KNL1: variants seen among roughly 807,000 people sequenced by gnomAD.
KNL1 encodes the protein kinetochore scaffold 1.
In KNL1, 66 loss-of-function variants were observed where a neutral mutation model predicts 201.3. The observed-to-expected ratio is 0.33, with a 90% CI of 0.27 to 0.40. The LOEUF (loss-of-function observed/expected upper bound fraction) is 0.40, where lower values mean the gene tolerates loss of function less well. Ranked by LOEUF, KNL1 falls within the 10% of genes least tolerant of loss-of-function variation. The probability of loss-of-function intolerance (pLI) is 1.00; values close to 1 mark genes in which losing one functional copy is unlikely to be tolerated. For synonymous variants in KNL1, 895 were observed against 899.2 expected, an observed-to-expected ratio of 1.00 and a Z score of 0.08; for missense variants, 2,815 against 2,690.5, an observed-to-expected ratio of 1.05 and a Z score of -1.02.
At chr15:40,646,914 G>A in intron 16 of KNL1, 73 bp from the exon 17 acceptor site, 3 of 552,414 alleles carry the variant, frequency 5.4e-6, no homozygotes, top group East Asian at 4.0e-5. Context: ...GAGCGATTAT[G>A]TGAGCAGTTT....
At chr15:40,634,394 C>T (rs980695417) in intron 13 of KNL1, among the ~76,000 whole-genome samples, 3 of 152,230 alleles carry the variant, frequency 2.0e-5, no homozygotes, top group Non-Finnish European at 2.9e-5. Flanking sequence ...CATGAGCCAC[C>T]ACGCCTGGTG....
chr15:40,624,706 C>T lies in KNL1; in HGVS notation c.4442C>T (p.Ser1481Phe). The T allele has an allele frequency of 1.2e-6, 2 of 1,613,008 alleles. No homozygotes were observed. Among genetic ancestry groups the T allele is most frequent in the South Asian group, 1.1e-5 (1 of 90,996 alleles). Residue 1481 changes from serine to phenylalanine, a missense_variant, in exon 10 of 26, where the codon TCC becomes TTC. Physicochemically the swap from Ser to Phe is radical, Grantham distance 155. Coordinates refer to ENST00000399668, the MANE Select transcript of KNL1 (RefSeq NM_144508.5). ...GNKSLNIIEN[S>F]SAPICENKPK... ...AAGAGTTTAAATATTATAGAAAATTCCTCTGCACCCATATGTGAAAACAAG... is the reference window on the plus strand; with the variant it reads ...AAGAGTTTAAATATTATAGAAAATTTCTCTGCACCCATATGTGAAAACAAG...
rs758847824 is a variant in KNL1, at chr15:40,624,256, A to T, written c.3992A>T (p.Asn1331Ile). 1.2e-6 allele frequency: 2 copies of T among 1,614,052 alleles called. No individual in the cohort carries two copies. Among genetic ancestry groups the T allele is most frequent in the African/African-American group, 2.7e-5 (2 of 75,060 alleles). The change falls in exon 10 of 26, where the codon AAT becomes ATT. Residue 1331 changes from asparagine to isoleucine, a missense_variant. By Grantham distance (149) the Asn-to-Ile change is moderately radical (BLOSUM62 -3). Around this residue, in one of 3 missense-constraint regions of KNL1, gnomAD observed 2,464 missense variants for 2,291.7 expected, o/e 1.08. Coordinates refer to ENST00000399668, the MANE Select transcript of KNL1 (RefSeq NM_144508.5). ...LLCDKDEEKA[N>I]YCPVQNDLAY... ...TGTGATAAAGATGAGGAAAAAGCCA[A>T]TTATTGCCCAGTGCAAAATGATCTT...
chr15:40,661,948 G>A, intron 25 of KNL1, 126 bp from the exon 26 acceptor site: 1 of 549,506 alleles, frequency 1.8e-6, no homozygotes. Context: ...GGCTGAGGCA[G>A]GAGAATGGCA....
At chr15:40,638,833 C>T (rs1187321319) in intron 13 of KNL1, among the ~76,000 whole-genome samples, 38 of 138,598 alleles carry the variant, frequency 2.7e-4, no homozygotes, top group Middle Eastern at 4.9e-3. Context: ...TTTTTTGAGA[C>T]GCAGTTTCGC....
rs1427098022 is a variant in KNL1, at chr15:40,663,009, G to A, written c.*821G>A. 1 of 180,014 alleles carries A rather than the reference G, an allele frequency of 5.6e-6. No individual in the cohort carries two copies. Among genetic ancestry groups the A allele is most frequent in the Non-Finnish European group, 1.2e-5 (1 of 84,240 alleles). The allele number at this position is 180,014 out of a possible 1,614,324, so 11.2% of individuals were successfully genotyped here. A position where few individuals can be genotyped will look rare whatever the true frequency, so the allele number is the denominator to read the frequency against. On this transcript the variant is annotated 3_prime_UTR_variant, in exon 26 of 26. Coordinates refer to ENST00000399668, the MANE Select transcript of KNL1 (RefSeq NM_144508.5). ...ATAGCACTCAGCTATTGAAATGGTT[G>A]CCATCTTTTTTTGAAGGCCTTGCTT... is the stretch of plus-strand genomic sequence containing the variant.
rs1270786030 is a variant in KNL1 at position 40,651,526 on chromosome 15, A to G, written c.6268A>G (p.Met2090Val). 5.0e-6 allele frequency: 8 copies of G among 1,610,036 alleles called. No homozygotes were observed. Among genetic ancestry groups the G allele is most frequent in the African/African-American group, 2.7e-5 (2 of 74,808 alleles). Reference protein sequence around the residue: ...KEQTLAQIDFMQKQRNRTEEL... With the variant: ...KEQTLAQIDFVQKQRNRTEEL... ...GCAGACCCTTGCTCAAATAGACTTT[A>G]TGCAAAAACAAAGAAATAGAACTGA... Residue 2090 changes from methionine to valine, a missense_variant, in exon 20 of 26, where the codon ATG (methionine) becomes GTG (valine). Transcript: ENST00000399668.
At chr15:40,658,037 G>T (rs190352767) in intron 24 of KNL1, among the ~76,000 whole-genome samples, 312 of 152,180 alleles carry the variant, frequency 2.1e-3, no homozygotes, top group Non-Finnish European at 3.6e-3. Flanking sequence ...GGAGGCCGAG[G>T]TGGGCGAATC....
Position 40,662,179 on chromosome 15 carries a change from C to T in KNL1, c.6942C>T (p.Phe2314=), listed in dbSNP as rs757021457. The change falls in exon 26 of 26, where the codon TTC becomes TTT. Residue 2314 remains phenylalanine, a synonymous_variant. Coordinates refer to ENST00000399668, the MANE Select transcript of KNL1 (RefSeq NM_144508.5). ...AAGATCTGTTTCAGGACTGCCATTT[C>T]TACCACTAGACCCTTGGACCACCAT... The part of the protein sequence containing the change: ...IYQDLFQDCH[F]YH 1 of 1,577,356 alleles carries T rather than the reference C, an allele frequency of 6.3e-7. No homozygotes were observed. The highest frequency in any genetic ancestry group is 1.7e-5 in the Admixed American group (1 of 59,914).
Position 40,623,533 on chromosome 15 carries a change from A to G in KNL1, c.3269A>G (p.Gln1090Arg). 4 of 1,613,666 alleles carry G rather than the reference A, an allele frequency of 2.5e-6. No individual in the cohort carries two copies. Among genetic ancestry groups the G allele is most frequent in the South Asian group, 2.2e-5 (2 of 91,082 alleles). The change falls in exon 10 of 26, where the codon CAG (glutamine) becomes CGG (arginine). Residue 1090 changes from glutamine (Q) to arginine (R), a missense_variant. Physicochemically the swap from Gln to Arg is conservative, Grantham distance 43. Coordinates refer to ENST00000399668, the MANE Select transcript of KNL1 (RefSeq NM_144508.5). The part of the protein sequence containing the change: ...ENHKNDMDIT[Q>R]SCMVEIDNES... Reference sequence around the variant, plus strand: ...CATAAAAATGATATGGATATTACCCAGAGTTGTATGGTGGAAATAGATAAC... The same window carrying G: ...CATAAAAATGATATGGATATTACCCGGAGTTGTATGGTGGAAATAGATAAC...
chr15:40,619,364 A>G (rs1892442946), intron 9 of KNL1, among the ~76,000 whole-genome samples: 1 of 150,758 alleles, frequency 6.6e-6, no homozygotes, highest in African/African-American at 2.4e-5. Flanking sequence ...TAATATATAT[A>G]TATATATATA....
Position 40,622,087 on chromosome 15 carries a change from C to T in KNL1, c.1823C>T (p.Ser608Phe). The change falls in exon 10 of 26, where the codon TCT becomes TTT. Residue 608 changes from serine to phenylalanine, a missense_variant. Ser to Phe is a radical substitution (Grantham distance 155, BLOSUM62 -2). Transcript: ENST00000399668. ...GAATCTCACTCTCAGAGCAAAAGCT[C>T]TTCAGATGAATGTGAAGAAATTACC... ...TSESHSQSKS[S>F]SDECEEITKS... 1 of 1,614,068 alleles carries T rather than the reference C, an allele frequency of 6.2e-7. No homozygotes were observed. The highest frequency in any genetic ancestry group is 8.5e-7 in the Non-Finnish European group (1 of 1,179,966).
At chr15:40,611,916 A>G (rs1363407449) in intron 7 of KNL1, among the ~76,000 whole-genome samples, 4 of 152,208 alleles carry the variant, frequency 2.6e-5, no homozygotes, top group South Asian at 2.1e-4. Context: ...GTGGTGGCTC[A>G]TGCCTGTAAT....
At chr15:40,645,877 T>A in intron 16 of KNL1, 105 bp downstream of exon 16, 1 of 598,284 alleles carries the variant, frequency 1.7e-6, no homozygotes, top group Non-Finnish European at 2.7e-6. Context: ...TGAATAAGAC[T>A]TGGGCAAAAA....
Position 40,622,330 on chromosome 15 carries a change from T to G in KNL1, c.2066T>G (p.Val689Gly), listed in dbSNP as rs1306913257. The change falls in exon 10 of 26, where the codon GTA (valine) becomes GGA (glycine). Residue 689 changes from valine to glycine, a missense_variant. Physicochemically the swap from Val to Gly is moderately radical, Grantham distance 109. Coordinates refer to ENST00000399668, the MANE Select transcript of KNL1 (RefSeq NM_144508.5). ...LDKQITNRNT[V>G]SWEQSLFSTT... The stretch of plus-strand genomic sequence containing the variant: ...AAACAAATAACTAATAGAAATACAG[T>G]ATCATGGGAACAATCTTTGTTTTCT... 1 of 1,613,774 alleles carries G rather than the reference T, an allele frequency of 6.2e-7. No homozygotes were observed. The highest frequency in any genetic ancestry group is 1.7e-5 in the Admixed American group (1 of 59,982).
chr15:40,604,525 A>G (rs1168626030), intron 2 of KNL1, among the ~76,000 whole-genome samples: 2 of 152,094 alleles, frequency 1.3e-5, no homozygotes, highest in Non-Finnish European at 2.9e-5. Context: ...GCCTACACAT[A>G]TTTTTTAGTT....
Position 40,647,049 on chromosome 15 carries a change from TA to T in KNL1, c.6071del (p.Asn2024ThrfsTer29). On this transcript the variant is annotated frameshift_variant, in exon 17 of 26. Transcript: ENST00000399668. LOFTEE classifies it high-confidence loss of function. ...TGGATAAAATACTTAAGAAGATCGA[TA>T]ACTGCCTCACTGAGATGGAAACAGG... Reference protein sequence around the residue: ...EMDKILKKIDNCLTEMETETK... With the variant: ...EMDKILKKIDXCLTEMETETK... 6.5e-7 allele frequency: 1 copy of T among 1,536,846 alleles called. No homozygotes were observed. Among genetic ancestry groups the T allele is most frequent in the Non-Finnish European group, 9.0e-7 (1 of 1,110,698 alleles).
rs1302056880 is a variant in KNL1, at chr15:40,662,817, A to T, written c.*629A>T. On this transcript the variant is annotated 3_prime_UTR_variant, in exon 26 of 26. Transcript: ENST00000399668. ...TCTACAAAAAATACGAAAGTTAGCC[A>T]GTCATGGTGGCTTGCGCCTGTGGTC... 5.7e-6 allele frequency: 1 copy of T among 175,080 alleles called. No homozygotes were observed. The allele number at this position is 175,080 out of a possible 1,614,324, so 10.8% of individuals were successfully genotyped here.
At chr15:40,642,176 G>A (rs1893249571) in intron 14 of KNL1, among the ~76,000 whole-genome samples, 1 of 152,168 alleles carries the variant, frequency 6.6e-6, no homozygotes, top group South Asian at 2.1e-4. Context: ...GAGGCAGGTG[G>A]ATCACGAGGT....
Sources: allele counts gnomAD v4.1 joint callset (sites outside exome capture counted in the v4.1 genomes callset), GRCh38; gene constraint gnomAD v4.1.1; regional missense constraint gnomAD v4.1.1; transcripts MANE v1.5; gene names NCBI Gene and HGNC (gene_info 2026-07-23, HGNC 2026-07-21).